Variants in IFT43 observed in about 807,000 individuals in gnomAD.
The protein encoded by IFT43 is intraflagellar transport protein 43 homolog.
Under a neutral mutation model 32.3 loss-of-function variants are expected in IFT43, and 33 were observed. The observed-to-expected ratio is 1.02, with a 90% CI of 0.77 to 1.37. The LOEUF is 1.37. Ranked by LOEUF, IFT43 falls within the 40% of genes most tolerant of loss-of-function variation. IFT43 has a pLI of 0.00. For missense variants in IFT43, 274 were observed against 265.9 expected, an observed-to-expected ratio of 1.03 and a Z score of -0.21; for synonymous variants, 93 against 98.2, an observed-to-expected ratio of 0.95 and a Z score of 0.31.
chr14:76,049,065 C>A (rs1240949456), intron 3 of IFT43, among the ~76,000 whole-genome samples: 1 of 152,190 alleles, frequency 6.6e-6, no homozygotes, highest in Non-Finnish European at 1.5e-5. Flanking sequence ...GCAGAAACTT[C>A]TGTACAGGAA....
At chr14:76,053,823 A>C (rs1463431453) in intron 3 of IFT43, among the ~76,000 whole-genome samples, 4 of 152,172 alleles carry the variant, frequency 2.6e-5, no homozygotes, top group African/African-American at 9.7e-5. Flanking sequence ...AGCATCTCTA[A>C]TCGGATCTGG....
At chr14:76,056,713 G>A (rs894328139) in intron 3 of IFT43, among the ~76,000 whole-genome samples, 1 of 152,182 alleles carries the variant, frequency 6.6e-6, no homozygotes, top group African/African-American at 2.4e-5. Context: ...CATTAGCTGT[G>A]TCATTCGGAC....
chr14:76,014,617 T>C (rs1360038302), intron 2 of IFT43, among the ~76,000 whole-genome samples: 1 of 152,138 alleles, frequency 6.6e-6, no homozygotes, highest in Non-Finnish European at 1.5e-5. Flanking sequence ...TTCTTTACAT[T>C]TCCAATCCAG....
At chr14:75,999,279 A>ATTT (rs2035835976) in intron 2 of IFT43, among the ~76,000 whole-genome samples, 3 of 20,668 alleles carry the variant, frequency 1.5e-4, no homozygotes, top group Admixed American at 6.1e-4. Flanking sequence ...ATATGTATAT[A>ATTT]TATTTTTTTT....
chr14:76,050,515 T>C (rs1179314445), intron 3 of IFT43, among the ~76,000 whole-genome samples: 1 of 151,192 alleles, frequency 6.6e-6, no homozygotes, highest in Non-Finnish European at 1.5e-5. Context: ...TGAGATGAGG[T>C]CTCGCTGTGT....
intron 2 of IFT43, among the ~76,000 whole-genome samples, chr14:75,999,281 A>ATATATATATAT (rs1566699821): frequency 1.0e-4 from 4 of 39,060 alleles, no homozygotes; most frequent in Admixed American, 2.9e-4. Context: ...ATGTATATAT[A>ATATATATATAT]TTTTTTTTTT....
intron 3 of IFT43, among the ~76,000 whole-genome samples, chr14:76,052,152 C>T (rs376057755): frequency 1.3e-5 from 2 of 152,098 alleles, no homozygotes; most frequent in South Asian, 2.1e-4. Flanking sequence ...CCATTTATCT[C>T]GGTTATGTCC....
In IFT43 at chr14:76,069,318, C is replaced by G. The variant is rs181555420; in HGVS notation, c.295+9945C>G. ...GACTGGGGGATGAGGGAAAGCCGCTCTGGAGAAATGACTTTTAAACTTCAA... is the reference window on the plus strand; with the variant it reads ...GACTGGGGGATGAGGGAAAGCCGCTGTGGAGAAATGACTTTTAAACTTCAA... On this transcript the variant is annotated intron_variant, in intron 5 of 8. Coordinates refer to ENST00000314067, the MANE Select transcript of IFT43 (RefSeq NM_001102564.3). Among the ~76,000 whole-genome samples the G allele has an allele frequency of 4.1e-4, 62 of 152,238 alleles. No individual in the cohort carries two copies. The East Asian group carries it at 0.011, about 27-fold the overall frequency.
chr14:76,054,201 A>G (rs1471077392), intron 3 of IFT43, among the ~76,000 whole-genome samples: 1 of 152,180 alleles, frequency 6.6e-6, no homozygotes, highest in Non-Finnish European at 1.5e-5. Flanking sequence ...GTACATTGAA[A>G]AAGCTTCCGG....
chr14:76,003,765 GT>G (rs1443849383), intron 2 of IFT43, among the ~76,000 whole-genome samples: 3 of 151,926 alleles, frequency 2.0e-5, no homozygotes, highest in Non-Finnish European at 2.9e-5. Context: ...TTGCAATACA[GT>G]TTGTCGGGTT....
At chr14:76,036,757 C>G (rs563517631) in intron 3 of IFT43, among the ~76,000 whole-genome samples, 5 of 151,744 alleles carry the variant, frequency 3.3e-5, no homozygotes, top group Admixed American at 6.6e-5. Flanking sequence ...TCACCACCCC[C>G]CTATGTTTTC....
At position 75,988,943 on chromosome 14, in the gene IFT43, A is replaced by T. The variant is rs763737089; in HGVS notation, c.113A>T (p.Asn38Ile). 6.2e-7 allele frequency: 1 copy of T among 1,614,038 alleles called. No homozygotes were observed. Among genetic ancestry groups the T allele is most frequent in the Admixed American group, 1.7e-5 (1 of 60,020 alleles). Residue 38 changes from asparagine (N) to isoleucine (I), a missense_variant, in exon 2 of 9, where the codon AAT (asparagine) becomes ATT (isoleucine). Asn to Ile is a moderately radical substitution (Grantham distance 149, BLOSUM62 -3). Transcript: ENST00000314067. ...TCAGCGCAGGCCGAGAATCACCTCA[A>T]TGGCAAGAATTCCTCTTTGACTCTG... is the stretch of plus-strand genomic sequence containing the variant. Reference protein sequence around the residue: ...QESAQAENHLNGKNSSLTLTG... With the variant: ...QESAQAENHLIGKNSSLTLTG...
chr14:76,056,873 A>C (rs969121687), intron 3 of IFT43, among the ~76,000 whole-genome samples: 1 of 152,136 alleles, frequency 6.6e-6, no homozygotes, highest in Non-Finnish European at 1.5e-5. Context: ...GATTCCGTTT[A>C]CTTAGAATAG....
chr14:76,046,724 TTTGATA>T (rs771413842), intron 3 of IFT43, among the ~76,000 whole-genome samples: 1 of 152,228 alleles, frequency 6.6e-6, no homozygotes, highest in Non-Finnish European at 1.5e-5. Context: ...TGAAGTAGAA[TTTGATA>T]TTATCACCAG....
intron 5 of IFT43, among the ~76,000 whole-genome samples, chr14:76,082,086 A>C (rs141777750): frequency 7.7e-4 from 118 of 152,340 alleles, no homozygotes; most frequent in African/African-American, 2.7e-3. Context: ...AGGAGGTTCT[A>C]TCTCAGCAGG....
At position 75,988,960 on chromosome 14, in the gene IFT43, TTGACTC is replaced by T. The variant is rs771734486; in HGVS notation, c.136_141del (p.Leu46_Thr47del). ...TCACCTCAATGGCAAGAATTCCTCT[TTGACTC>T]TGACTGGAGAGGTGGGTGCTAAAAA... On this transcript the variant is annotated inframe_deletion, in exon 2 of 9. Transcript: ENST00000314067. 79 of 1,613,980 alleles carry T rather than the reference TTGACTC, an allele frequency of 4.9e-5. No homozygotes were observed. The South Asian group carries it at 4.9e-4, about 10-fold the overall frequency.
intron 2 of IFT43, among the ~76,000 whole-genome samples, chr14:76,001,241 A>G (rs1251418326): frequency 6.6e-6 from 1 of 152,232 alleles, no homozygotes; most frequent in Admixed American, 6.5e-5. Flanking sequence ...AAGAAAAACA[A>G]TTCAAAATTA....
At chr14:76,047,196 G>A (rs2140022588) in intron 3 of IFT43, among the ~76,000 whole-genome samples, 1 of 152,316 alleles carries the variant, frequency 6.6e-6, no homozygotes, top group Non-Finnish European at 1.5e-5. Flanking sequence ...AGCACCCTCT[G>A]AATCTGGAGC....
At chr14:76,011,450 G>A (rs1229960732) in intron 2 of IFT43, among the ~76,000 whole-genome samples, 1 of 152,144 alleles carries the variant, frequency 6.6e-6, no homozygotes, top group African/African-American at 2.4e-5. Context: ...AGCACATTAC[G>A]TCCCACTGTT....
Sources: gnomAD v4.1 joint callset for allele counts (sites outside exome capture counted in the v4.1 genomes callset) on GRCh38, gnomAD v4.1.1 for gene constraint, MANE v1.5 for transcripts, NCBI Gene and HGNC (gene_info 2026-07-23, HGNC 2026-07-21) for gene names.